GADL1: variants seen among roughly 807,000 people sequenced by gnomAD.
The protein encoded by GADL1 is acidic amino acid decarboxylase GADL1.
In GADL1, 71 loss-of-function variants were observed where a neutral mutation model predicts 69.5. That is an observed-to-expected ratio of 1.02 (90% confidence interval 0.84 to 1.25). The LOEUF (loss-of-function observed/expected upper bound fraction) is 1.25, where lower values mean the gene tolerates loss of function less well. GADL1 is among the 50% of genes most tolerant of loss of function. GADL1 has a pLI of 0.00. For missense variants in GADL1, 737 were observed against 631.8 expected, an observed-to-expected ratio of 1.17 and a Z score of -1.79; for synonymous variants, 254 against 214.4, an observed-to-expected ratio of 1.18 and a Z score of -1.62.
chr3:30,861,556 C>T, intron 2 of GADL1, 37 bp downstream of exon 2: 1 of 1,470,522 alleles, frequency 6.8e-7, no homozygotes, highest in Non-Finnish European at 9.2e-7. Context: ...ATCTATCTTT[C>T]CCATTTCTGC....
intron 11 of GADL1, among the ~76,000 whole-genome samples, chr3:30,830,304 A>G (rs1697766784): frequency 6.6e-6 from 1 of 151,890 alleles, no homozygotes; most frequent in Non-Finnish European, 1.5e-5. Context: ...CCAGAAAAAT[A>G]TAGTTTTCCC....
intron 3 of GADL1, among the ~76,000 whole-genome samples, 168 bp downstream of exon 3, chr3:30,856,847 T>C (rs983810278): frequency 6.6e-6 from 1 of 152,014 alleles, no homozygotes; most frequent in Non-Finnish European, 1.5e-5. Context: ...GCCTTGGCAA[T>C]GAATCTGGAT....
At chr3:30,847,086 G>A (rs1046368804) in intron 6 of GADL1, among the ~76,000 whole-genome samples, 38 of 152,048 alleles carry the variant, frequency 2.5e-4, no homozygotes, top group African/African-American at 8.2e-4. Flanking sequence ...TTACAAACAC[G>A]GGATTTCTAT....
intron 1 of GADL1, among the ~76,000 whole-genome samples, chr3:30,862,682 G>C (rs561787802): frequency 6.6e-6 from 1 of 152,086 alleles, no homozygotes; most frequent in African/African-American, 2.4e-5. Flanking sequence ...AATTATCGAA[G>C]TATCTAAGAG....
At chr3:30,819,035 T>C (rs1014273529) in intron 11 of GADL1, among the ~76,000 whole-genome samples, 4 of 152,060 alleles carry the variant, frequency 2.6e-5, no homozygotes, top group African/African-American at 9.7e-5. Flanking sequence ...CCAGGCACTC[T>C]TATGCCTAGA....
chr3:30,766,555 G>GA (rs375044140), intron 14 of GADL1, among the ~76,000 whole-genome samples: 3,655 of 124,488 alleles, frequency 0.029, 130 homozygotes, highest in African/African-American at 0.096. Flanking sequence ...TCATTACTGT[G>GA]ATTTTTTTTC....
At position 30,753,098 on chromosome 3, in the gene GADL1, A is replaced by G. The variant is rs1695871695; in HGVS notation, c.1393-24683T>C. Among the ~76,000 whole-genome samples, 3 of 152,292 alleles carry G rather than the reference A, an allele frequency of 2.0e-5. No individual in the cohort carries two copies. The South Asian group carries it at 6.2e-4, about 32-fold the overall frequency. ...GCTGTCACTGCCAATAAATAAGTGC[A>G]GTGTCTTTTTCTTATGGGTGAGTCA... On this transcript the variant is annotated intron_variant, in intron 14 of 14. Transcript: ENST00000282538.
At chr3:30,742,102 G>A (rs985648190) in intron 14 of GADL1, among the ~76,000 whole-genome samples, 31 of 152,084 alleles carry the variant, frequency 2.0e-4, no homozygotes, top group South Asian at 4.1e-4. Context: ...ATTTTGGCCC[G>A]GACAGTAAAT....
intron 11 of GADL1, among the ~76,000 whole-genome samples, chr3:30,828,137 C>A (rs1697714518): frequency 2.0e-5 from 3 of 151,874 alleles, no homozygotes; most frequent in African/African-American, 4.8e-5. Context: ...GAAATCCCCA[C>A]AAAAGCAGAT....
At chr3:30,811,029 T>C (rs1275939304) in intron 11 of GADL1, among the ~76,000 whole-genome samples, 4 of 152,190 alleles carry the variant, frequency 2.6e-5, no homozygotes, top group African/African-American at 9.6e-5. Context: ...GAACACTTAG[T>C]GTTGAGATCA....
intron 14 of GADL1, among the ~76,000 whole-genome samples, chr3:30,769,340 TTAGGA>T (rs753542381): frequency 1.8e-4 from 27 of 152,194 alleles, no homozygotes; most frequent in African/African-American, 6.0e-4. Flanking sequence ...TCCTTATCTG[TTAGGA>T]TAGGGGCAGA....
At chr3:30,849,933 A>G in intron 6 of GADL1, 63 bp downstream of exon 6, 1 of 960,688 alleles carries the variant, frequency 1.0e-6, no homozygotes, top group Non-Finnish European at 1.7e-6. Context: ...GAATCTTCAA[A>G]CAAAGCCCTC....
chr3:30,762,369 C>T (rs138829321), intron 14 of GADL1, among the ~76,000 whole-genome samples: 11 of 152,074 alleles, frequency 7.2e-5, no homozygotes, highest in Non-Finnish European at 5.9e-5. Context: ...AGTTTTCATG[C>T]GATTTTTGAA....
chr3:30,881,568 T>TA (rs1291753091), intron 1 of GADL1, among the ~76,000 whole-genome samples: 1 of 151,598 alleles, frequency 6.6e-6, no homozygotes. Context: ...GGCAACAGTA[T>TA]AAAAAAAGAT....
chr3:30,805,664 G>A (rs563079157), intron 11 of GADL1, among the ~76,000 whole-genome samples: 10 of 150,706 alleles, frequency 6.6e-5, no homozygotes, highest in African/African-American at 2.2e-4. Context: ...ATCAGAATCT[G>A]CGGTCTCTTT....
chr3:30,792,780 C>T (rs1696950608), intron 12 of GADL1, among the ~76,000 whole-genome samples: 1 of 152,122 alleles, frequency 6.6e-6, no homozygotes, highest in Non-Finnish European at 1.5e-5. Flanking sequence ...GGGGCTATAG[C>T]AAAAGCACTT....
intron 12 of GADL1, among the ~76,000 whole-genome samples, chr3:30,797,177 A>T (rs892150978): frequency 5.3e-5 from 8 of 152,150 alleles, no homozygotes; most frequent in Non-Finnish European, 8.8e-5. Flanking sequence ...TAGTATGCTG[A>T]TCAAGGAATA....
intron 12 of GADL1, among the ~76,000 whole-genome samples, chr3:30,793,003 T>C (rs1362863997): frequency 6.6e-6 from 1 of 152,160 alleles, no homozygotes; most frequent in Admixed American, 6.5e-5. Flanking sequence ...GCATATTGAT[T>C]AAAGTTAAAA....
chr3:30,847,108 A>G (rs1206584258), intron 6 of GADL1, among the ~76,000 whole-genome samples: 5 of 152,204 alleles, frequency 3.3e-5, no homozygotes, highest in Admixed American at 3.3e-4. Flanking sequence ...CACCCAAGAA[A>G]TTTATATCAA....
Sources: gnomAD v4.1 joint callset for allele counts (sites outside exome capture counted in the v4.1 genomes callset) on GRCh38, gnomAD v4.1.1 for gene constraint, MANE v1.5 for transcripts, NCBI Gene and HGNC (gene_info 2026-07-23, HGNC 2026-07-21) for gene names.